Variants in GLMN observed in about 807,000 individuals in gnomAD.
GLMN encodes glomulin, FKBP associated protein.
A neutral mutation model predicts 87.8 loss-of-function variants in GLMN; 75 were observed. The ratio of observed to expected loss-of-function variants is 0.85; its 90% CI spans 0.71 to 1.04. The LOEUF (loss-of-function observed/expected upper bound fraction) is 1.04. Ranked by LOEUF, GLMN falls within the 50% of genes least tolerant of loss-of-function variation. The pLI, the probability that GLMN is intolerant of heterozygous loss-of-function variation, is 0.00. For missense variants in GLMN, 588 were observed against 658.8 expected, an observed-to-expected ratio of 0.89 and a Z score of 1.18; for synonymous variants, 206 against 221.6, an observed-to-expected ratio of 0.93 and a Z score of 0.63.
chr1:92,320,241 T>C, the GLMN span, among the ~76,000 whole-genome samples: 1 of 152,088 alleles, frequency 6.6e-6, no homozygotes, highest in Non-Finnish European at 1.5e-5. Context: ...AGATTTCTTG[T>C]TGATGAATTT....
At chr1:92,294,899 G>T (rs1182526183) in intron 3 of GLMN, among the ~76,000 whole-genome samples, 1 of 152,090 alleles carries the variant, frequency 6.6e-6, no homozygotes, top group Non-Finnish European at 1.5e-5. Context: ...GGCTGGTCTC[G>T]AACTCCTGAC....
chr1:92,290,711 C>G (rs1649309795), intron 4 of GLMN, among the ~76,000 whole-genome samples: 1 of 152,206 alleles, frequency 6.6e-6, no homozygotes, highest in African/African-American at 2.4e-5. Flanking sequence ...CTGGCCATAT[C>G]TTATCATCTC....
upstream of GLMN, among the ~76,000 whole-genome samples, chr1:92,303,340 T>G (rs1650992258): frequency 1.3e-5 from 2 of 152,230 alleles, no homozygotes; most frequent in South Asian, 4.1e-4. Context: ...TAAAAAGTAT[T>G]TCTGTCTCTG....
intron 2 of GLMN, 117 bp from the exon 3 acceptor site, chr1:92,297,646 A>G: frequency 2.2e-6 from 2 of 928,566 alleles, no homozygotes; most frequent in Admixed American, 2.4e-5. Context: ...TAAATTCTAG[A>G]TAAATGTAAC....
At chr1:92,317,596 T>C in the GLMN span, among the ~76,000 whole-genome samples, 4 of 152,156 alleles carry the variant, frequency 2.6e-5, no homozygotes, top group East Asian at 5.8e-4. Context: ...TTTGGGAAGA[T>C]GAAAAAGTGC....
At chr1:92,260,771 A>G (rs1363661004) in intron 16 of GLMN, among the ~76,000 whole-genome samples, 4 of 146,824 alleles carry the variant, frequency 2.7e-5, no homozygotes, top group African/African-American at 8.0e-5. Flanking sequence ...GATGGAAAAA[A>G]AAAAAAAAAA....
At chr1:92,261,120 A>G (rs181588759) in intron 16 of GLMN, among the ~76,000 whole-genome samples, 1 of 152,188 alleles carries the variant, frequency 6.6e-6, no homozygotes, top group Non-Finnish European at 1.5e-5. Context: ...CAGGGCCTCT[A>G]CTGCTGCTGA....
the GLMN span, among the ~76,000 whole-genome samples, chr1:92,309,277 A>C: frequency 6.6e-6 from 1 of 152,038 alleles, no homozygotes; most frequent in Non-Finnish European, 1.5e-5. Flanking sequence ...CCCTGTCTCT[A>C]CTAAAAATAC....
At chr1:92,353,389 A>T in the GLMN span, among the ~76,000 whole-genome samples, 1 of 152,218 alleles carries the variant, frequency 6.6e-6, no homozygotes, top group African/African-American at 2.4e-5. Flanking sequence ...TTAAAGGCTT[A>T]TATATGCAGT....
chr1:92,335,780 A>G, the GLMN span, among the ~76,000 whole-genome samples: 27 of 152,166 alleles, frequency 1.8e-4, no homozygotes, highest in African/African-American at 6.5e-4. Context: ...CCAATCACCT[A>G]TTGATACACA....
At chr1:92,273,530 G>A (rs1199427564) in intron 7 of GLMN, among the ~76,000 whole-genome samples, 2 of 143,126 alleles carry the variant, frequency 1.4e-5, no homozygotes, top group Non-Finnish European at 3.0e-5. Context: ...CTGCAGCCTT[G>A]ACTTCCCCAG....
the GLMN span, chr1:92,333,410 T>C: frequency 6.2e-7 from 1 of 1,613,512 alleles, no homozygotes; most frequent in Admixed American, 1.7e-5. Flanking sequence ...ACCTTTCCAC[T>C]GATAGACTCA....
At chr1:92,258,513 T>C (rs1367852397) in intron 16 of GLMN, among the ~76,000 whole-genome samples, 1 of 152,120 alleles carries the variant, frequency 6.6e-6, no homozygotes, top group Non-Finnish European at 1.5e-5. Flanking sequence ...CAAATGCCCA[T>C]CAATGATAGA....
At chr1:92,259,445 A>C (rs1299619251) in intron 16 of GLMN, among the ~76,000 whole-genome samples, 1 of 152,184 alleles carries the variant, frequency 6.6e-6, no homozygotes, top group African/African-American at 2.4e-5. Flanking sequence ...GTGAGGAAGG[A>C]GGGCTTACGA....
At chr1:92,370,519 T>TTTAGA in the GLMN span, among the ~76,000 whole-genome samples, 82 of 152,266 alleles carry the variant, frequency 5.4e-4, no homozygotes, top group African/African-American at 1.9e-3. Flanking sequence ...GCAAGAGACA[T>TTTAGA]TTAGATTATA....
At chr1:92,283,817 A>G (rs910176212) in intron 7 of GLMN, among the ~76,000 whole-genome samples, 2 of 152,196 alleles carry the variant, frequency 1.3e-5, no homozygotes, top group Admixed American at 6.5e-5. Flanking sequence ...GCATTCCTAT[A>G]CACCAATAAT....
chr1:92,262,222 G>T (rs1033757597), intron 16 of GLMN, among the ~76,000 whole-genome samples: 3 of 152,074 alleles, frequency 2.0e-5, no homozygotes, highest in Non-Finnish European at 2.9e-5. Context: ...ACATGATTCA[G>T]GTAGTTCTAG....
chr1:92,319,998 C>CA, the GLMN span, among the ~76,000 whole-genome samples: 953 of 90,178 alleles, frequency 0.011, 6 homozygotes, highest in African/African-American at 0.029. Flanking sequence ...AACTCCATCT[C>CA]AAAAAAAAAA....
the GLMN span, among the ~76,000 whole-genome samples, chr1:92,355,964 C>T: frequency 2.2e-4 from 34 of 152,084 alleles, no homozygotes; most frequent in African/African-American, 7.5e-4. Flanking sequence ...AAAAGGAGAA[C>T]GTGGAGTGGT....
Sources: gnomAD v4.1 joint callset for allele counts (sites outside exome capture counted in the v4.1 genomes callset) on GRCh38, gnomAD v4.1.1 for gene constraint, MANE v1.5 for transcripts, NCBI Gene and HGNC (gene_info 2026-07-23, HGNC 2026-07-21) for gene names.